SLC16A7: variants seen among roughly 807,000 people sequenced by gnomAD.
The protein encoded by SLC16A7 is monocarboxylate transporter 2.
A neutral mutation model predicts 34.9 loss-of-function variants in SLC16A7; 33 were observed. The ratio of observed to expected loss-of-function variants is 0.94; its 90% CI spans 0.72 to 1.26. The LOEUF (loss-of-function observed/expected upper bound fraction) is 1.26, where lower values mean the gene tolerates loss of function less well. Ranked by LOEUF, SLC16A7 falls within the 50% of genes most tolerant of loss-of-function variation. The pLI is 0.00. For synonymous variants in SLC16A7, 201 were observed against 206.6 expected, an observed-to-expected ratio of 0.97 and a Z score of 0.23; for missense variants, 573 against 578.1, an observed-to-expected ratio of 0.99 and a Z score of 0.09.
intron 3 of SLC16A7, among the ~76,000 whole-genome samples, chr12:59,710,155 G>C (rs1160794994): frequency 6.7e-6 from 1 of 148,692 alleles, no homozygotes; most frequent in Non-Finnish European, 1.5e-5. Context: ...TTAGAGAAGA[G>C]GTATCCTTTG....
At chr12:59,653,784 T>A (rs1414054815) in intron 1 of SLC16A7, among the ~76,000 whole-genome samples, 1 of 151,680 alleles carries the variant, frequency 6.6e-6, no homozygotes, top group Non-Finnish European at 1.5e-5. Flanking sequence ...ATGTCAAGGT[T>A]CTCTGGTTAA....
At chr12:59,748,371 T>C (rs894306787) in intron 3 of SLC16A7, among the ~76,000 whole-genome samples, 7 of 152,164 alleles carry the variant, frequency 4.6e-5, no homozygotes, top group African/African-American at 1.7e-4. Context: ...ACTACTGTAA[T>C]AATTTTGTAG....
chr12:59,614,957 C>T (rs1048627070), intron 1 of SLC16A7, among the ~76,000 whole-genome samples: 7 of 150,778 alleles, frequency 4.6e-5, no homozygotes, highest in East Asian at 1.9e-4. Flanking sequence ...GAGCCGAGAT[C>T]GCACCACTGC....
chr12:59,625,727 T>C (rs962708114), intron 1 of SLC16A7, among the ~76,000 whole-genome samples: 5 of 151,830 alleles, frequency 3.3e-5, no homozygotes, highest in African/African-American at 1.2e-4. Flanking sequence ...TACTTAGCTG[T>C]GGCCTTGGGT....
intron 1 of SLC16A7, among the ~76,000 whole-genome samples, chr12:59,617,807 A>G (rs893845214): frequency 1.3e-5 from 2 of 151,954 alleles, no homozygotes; most frequent in African/African-American, 4.8e-5. Flanking sequence ...ATGTGAAATC[A>G]CTATTGTTGT....
chr12:59,696,525 G>A (rs899443315), intron 2 of SLC16A7: 2 of 151,964 alleles, frequency 1.3e-5, no homozygotes, highest in African/African-American at 2.4e-5. Context: ...CTATCAACAC[G>A]TAAAACTATA....
At chr12:59,688,823 GA>G (rs1312616641) in intron 2 of SLC16A7, among the ~76,000 whole-genome samples, 1 of 151,954 alleles carries the variant, frequency 6.6e-6, no homozygotes, top group Non-Finnish European at 1.5e-5. Flanking sequence ...AACTATATTT[GA>G]ATCAGTTGTG....
At chr12:59,660,919 A>G (rs1040414876) in intron 2 of SLC16A7, among the ~76,000 whole-genome samples, 3 of 152,140 alleles carry the variant, frequency 2.0e-5, no homozygotes, top group African/African-American at 4.8e-5. Context: ...TAGTGTTTTT[A>G]AAACCAGGAG....
Position 59,636,817 on chromosome 12 carries a change from G to A in SLC16A7, c.-129-18335G>A, listed in dbSNP as rs147725915. Among the ~76,000 whole-genome samples the A allele has an allele frequency of 1.0e-3, 155 of 152,220 alleles. 1 individual carries two copies. The highest frequency in any genetic ancestry group is 3.1e-3 in the African/African-American group (127 of 41,568). On this transcript the variant is annotated intron_variant, in intron 1 of 5. Coordinates refer to ENST00000547379, the MANE Select transcript of SLC16A7 (RefSeq NM_001270623.2). ...AGTTTTATGTAGTGCTGGGCACACT[G>A]TGATAATCCAGATGCTAATCCTTAA...
At chr12:59,665,522 AT>A (rs909446683) in intron 2 of SLC16A7, among the ~76,000 whole-genome samples, 1 of 151,992 alleles carries the variant, frequency 6.6e-6, no homozygotes, top group African/African-American at 2.4e-5. Context: ...GTATAATATT[AT>A]GGTATGATAT....
At position 59,779,725 on chromosome 12, in the gene SLC16A7, GTTTGTTTTTCAT is replaced by G. The variant is rs747714595; in HGVS notation, c.*56_*67del. ...TCAGTGTTTATGACTTTATCTAGGA[GTTTGTTTTTCAT>G]TTTGTTTTTTTAAAGTATTAGAAAA... On this transcript the variant is annotated 3_prime_UTR_variant, in exon 6 of 6. Transcript: ENST00000547379. 8.8e-6 allele frequency: 13 copies of G among 1,469,704 alleles called. No homozygotes were observed. In the South Asian group the frequency reaches 1.8e-4, roughly 20 times the overall value. The allele number at this position is 1,469,704 out of a possible 1,614,324, so 91.0% of individuals were successfully genotyped here.
chr12:59,718,636 T>TTA (rs1875201589), intron 3 of SLC16A7, among the ~76,000 whole-genome samples: 1 of 152,180 alleles, frequency 6.6e-6, no homozygotes, highest in Non-Finnish European at 1.5e-5. Context: ...TGAAGATGTC[T>TTA]TACCTTCTCA....
At chr12:59,661,952 G>A (rs1400401940) in intron 2 of SLC16A7, among the ~76,000 whole-genome samples, 8 of 151,978 alleles carry the variant, frequency 5.3e-5, no homozygotes, top group Non-Finnish European at 1.2e-4. Flanking sequence ...TTAGAAAATA[G>A]AATCACTGTT....
Position 59,756,165 on chromosome 12 carries a change from T to C in SLC16A7, c.218-15054T>C, listed in dbSNP as rs559457409. On this transcript the variant is annotated intron_variant, in intron 3 of 5. Transcript: ENST00000547379. The stretch of plus-strand genomic sequence containing the variant: ...AAACCATAAAAAGCCTAGAAGAAAA[T>C]CTAGGCATTACCATTCAGGACATAG... Among the ~76,000 whole-genome samples, 424 of 152,070 alleles carry C rather than the reference T, an allele frequency of 2.8e-3. 1 individual carries two copies. The highest frequency in any genetic ancestry group is 4.6e-3 in the South Asian group (22 of 4,824).
intron 2 of SLC16A7, among the ~76,000 whole-genome samples, chr12:59,691,233 A>G (rs1871610514): frequency 6.6e-6 from 1 of 152,044 alleles, no homozygotes; most frequent in African/African-American, 2.4e-5. Context: ...TAGAAAGTTT[A>G]TTTGGACCAA....
chr12:59,713,372 A>G (rs948084866), intron 3 of SLC16A7, among the ~76,000 whole-genome samples: 1 of 152,090 alleles, frequency 6.6e-6, no homozygotes, highest in African/African-American at 2.4e-5. Context: ...GCTCTTCCTC[A>G]ACAACATATT....
intron 3 of SLC16A7, among the ~76,000 whole-genome samples, chr12:59,714,845 A>C (rs1424877033): frequency 6.6e-6 from 1 of 152,106 alleles, no homozygotes; most frequent in East Asian, 1.9e-4. Flanking sequence ...GATTACAGGC[A>C]TGAGCCAACA....
In SLC16A7 at chr12:59,780,561, A is replaced by G. The variant is rs539014502; in HGVS notation, c.*882A>G. The G allele has an allele frequency of 7.2e-5, 11 of 152,140 alleles. No individual in the cohort carries two copies. Among genetic ancestry groups the G allele is most frequent in the Admixed American group, 1.3e-4 (2 of 15,250 alleles). The allele number at this position is 152,140 out of a possible 1,614,324, so 9.4% of individuals were successfully genotyped here. ...GTAAAAGTCTGCATGACTCTTAACAATGAGTCACATCCATTGATTTTACAG... is the reference window on the plus strand; with the variant it reads ...GTAAAAGTCTGCATGACTCTTAACAGTGAGTCACATCCATTGATTTTACAG... On this transcript the variant is annotated 3_prime_UTR_variant, in exon 6 of 6. Transcript: ENST00000547379.
chr12:59,665,702 C>T (rs1869135974), intron 2 of SLC16A7, among the ~76,000 whole-genome samples: 1 of 151,856 alleles, frequency 6.6e-6, no homozygotes, highest in South Asian at 2.1e-4. Context: ...TAGAGAGATG[C>T]ATTGCTTAAG....
Sources: gnomAD v4.1 joint callset for allele counts (sites outside exome capture counted in the v4.1 genomes callset) on GRCh38, gnomAD v4.1.1 for gene constraint, MANE v1.5 for transcripts, NCBI Gene and HGNC (gene_info 2026-07-23, HGNC 2026-07-21) for gene names.